The following SLC20A2 variants were observed in gnomAD, a reference collection of about 807,000 sequenced individuals.
SLC20A2 encodes the protein sodium-dependent phosphate transporter 2.
A neutral mutation model predicts 61.0 loss-of-function variants in SLC20A2; 30 were observed. The observed-to-expected ratio is 0.49, with a 90% confidence interval of 0.37 to 0.67. The LOEUF is 0.67. Among genes scored for constraint, SLC20A2 ranks in the 30% least tolerant of loss-of-function variants. The pLI, the probability that SLC20A2 is intolerant of heterozygous loss-of-function variation, is 0.00. For synonymous variants in SLC20A2, 351 were observed against 353.3 expected (o/e 0.99, Z 0.07); for missense variants, 626 against 866.4 (o/e 0.72, Z 3.48).
Position 42,417,908 on chromosome 8 carries a change from G to A in SLC20A2, c.1854C>T (p.Leu618=). ...ACCAGGCCACGAAGATGTTCCGAAA[G>A]AGGCGCCAGTCCACAGCCTTGCGGG... ...IRSRKAVDWR[L]FRNIFVAWFV... is the part of the protein sequence containing the mutation. The change falls in exon 11 of 11, where the codon CTC becomes CTT. Residue 618 remains leucine (L), a synonymous_variant. Transcript: ENST00000520262. 1 of 1,613,936 alleles carries A rather than the reference G, an allele frequency of 6.2e-7. No homozygotes were observed.
rs191950041 is a variant in SLC20A2, at chr8:42,453,902, C to T, written c.613+5994G>A. Among the ~76,000 whole-genome samples, 5 of 152,300 alleles carry T rather than the reference C, an allele frequency of 3.3e-5. No homozygotes were observed. The East Asian group carries it at 9.6e-4, about 29-fold the overall frequency. On this transcript the variant is annotated intron_variant, in intron 5 of 10. Transcript: ENST00000520262. The stretch of plus-strand genomic sequence containing the variant: ...TTAGGTTAATTATGACTGATGGTAA[C>T]AAAACAGCCTCTAACAGGCACGGTT...
chr8:42,456,467 G>A (rs1206144424), intron 5 of SLC20A2, among the ~76,000 whole-genome samples: 1 of 152,160 alleles, frequency 6.6e-6, no homozygotes, highest in East Asian at 1.9e-4. Context: ...AAGGTGCAGT[G>A]GCTCATGCCT....
At chr8:42,458,611 A>G (rs965893816) in intron 5 of SLC20A2, among the ~76,000 whole-genome samples, 6 of 151,208 alleles carry the variant, frequency 4.0e-5, no homozygotes, top group Non-Finnish European at 8.9e-5. Context: ...CAATAAAGAA[A>G]AAAAAAAAAA....
chr8:42,461,042 A>C (rs564368916), intron 4 of SLC20A2, among the ~76,000 whole-genome samples: 1 of 152,216 alleles, frequency 6.6e-6, no homozygotes, highest in Non-Finnish European at 1.5e-5. Flanking sequence ...CAGCCCATCA[A>C]GGAGCTGTTC....
chr8:42,463,783 T>A (rs1318081398), intron 3 of SLC20A2, among the ~76,000 whole-genome samples: 3 of 152,112 alleles, frequency 2.0e-5, no homozygotes. Flanking sequence ...GGTTTCCTTG[T>A]GGTTTGTGCC....
At chr8:42,484,782 T>TC in intron 1 of SLC20A2, 1 of 325,388 alleles carries the variant, frequency 3.1e-6, no homozygotes, top group African/African-American at 2.2e-5. Flanking sequence ...TAAAGGCTGC[T>TC]CCCATATCAT....
chr8:42,492,082 T>C (rs1809560699), intron 1 of SLC20A2, among the ~76,000 whole-genome samples: 1 of 152,076 alleles, frequency 6.6e-6, no homozygotes, highest in South Asian at 2.1e-4. Flanking sequence ...CTGGGCTGGG[T>C]GCGGTGGCTC....
At position 42,444,709 on chromosome 8, in the gene SLC20A2, C is replaced by A. The variant is rs746130950; in HGVS notation, c.667G>T (p.Ala223Ser). ...CACACAAAAAAAGCGAACAGGAGGG[C>A]GACACCAAAGGAAATGAGGGCTATG... ...WAIALISFGVALLFAFFVWLF... is the reference protein window; with the variant it reads ...WAIALISFGVSLLFAFFVWLF... The change falls in exon 6 of 11, where the codon GCC becomes TCC. Residue 223 changes from alanine (A) to serine (S), a missense_variant. By Grantham distance (99) the Ala-to-Ser change is moderately conservative. Around this residue, in one of 3 missense-constraint regions of SLC20A2, gnomAD observed 361 missense variants for 422.3 expected, o/e 0.85. Transcript: ENST00000520262. The A allele has an allele frequency of 1.2e-6, 2 of 1,613,852 alleles. No homozygotes were observed. Among genetic ancestry groups the A allele is most frequent in the Non-Finnish European group, 1.7e-6 (2 of 1,179,838 alleles).
At chr8:42,536,082 A>C (rs1285054235) in intron 1 of SLC20A2, among the ~76,000 whole-genome samples, 1 of 152,210 alleles carries the variant, frequency 6.6e-6, no homozygotes, top group Non-Finnish European at 1.5e-5. Flanking sequence ...TAACGTGCAA[A>C]TTGGATAAAA....
intron 1 of SLC20A2, among the ~76,000 whole-genome samples, chr8:42,511,359 T>C (rs1338880544): frequency 6.6e-6 from 1 of 152,194 alleles, no homozygotes; most frequent in Non-Finnish European, 1.5e-5. Context: ...CCAGGCGCAG[T>C]GGCTCACACC....
In SLC20A2 at chr8:42,439,634, A is replaced by C. The variant is rs369508231; in HGVS notation, c.750T>G (p.Gly250=). ...RKITGKLQKE[G]ALSRVSDESL... is the part of the protein sequence containing the mutation. ...TTTCGTCAGATACTCGTGATAAAGC[A>C]CCTTCTTTTTGTAATTTGCCTAAAG... The change falls in exon 7 of 11, where the codon GGT becomes GGG. Residue 250 remains glycine, a synonymous_variant. Transcript: ENST00000520262. 1.2e-6 allele frequency: 2 copies of C among 1,613,926 alleles called. No homozygotes were observed. Among genetic ancestry groups the C allele is most frequent in the African/African-American group, 2.7e-5 (2 of 74,922 alleles).
At chr8:42,525,078 T>C (rs34907242) in intron 1 of SLC20A2, among the ~76,000 whole-genome samples, 10,081 of 152,220 alleles carry the variant, frequency 0.066, 436 homozygotes, top group Middle Eastern at 0.16. Flanking sequence ...TAGCTGACTC[T>C]ATATTGAAAA....
intron 1 of SLC20A2, among the ~76,000 whole-genome samples, chr8:42,524,834 A>G: frequency 6.6e-6 from 1 of 152,058 alleles, no homozygotes; most frequent in African/African-American, 2.4e-5. Flanking sequence ...AAATATACCC[A>G]TGTAACAAGA....
At chr8:42,439,757 TTGG>T in intron 6 of SLC20A2, 104 bp from the exon 7 acceptor site, 1 of 914,128 alleles carries the variant, frequency 1.1e-6, no homozygotes, top group Admixed American at 2.6e-5. Context: ...AGCACTGATT[TTGG>T]AAACAAAAAA....
chr8:42,534,912 A>C (rs1812609480), intron 1 of SLC20A2: 1 of 152,218 alleles, frequency 6.6e-6, no homozygotes, highest in South Asian at 2.1e-4. Context: ...TCTGAGCCTA[A>C]GTAAATTACT....
At position 42,473,121 on chromosome 8, in the gene SLC20A2, G is replaced by A. The variant is rs554914628; in HGVS notation, c.-264-467C>T. Among the ~76,000 whole-genome samples, 465 of 152,296 alleles carry A rather than the reference G, an allele frequency of 3.1e-3. 3 individuals are homozygous for A. Among genetic ancestry groups the A allele is most frequent in the African/African-American group, 0.011 (442 of 41,560 alleles). On this transcript the variant is annotated intron_variant, in intron 1 of 10. Transcript: ENST00000520262. ...GCCAACGACCCACCTCCACATTTAC[G>A]CATAAGCAATGAGCACAGTATATTA...
intron 2 of SLC20A2, among the ~76,000 whole-genome samples, chr8:42,468,027 C>T (rs1401534477): frequency 6.6e-6 from 1 of 151,818 alleles, no homozygotes; most frequent in African/African-American, 2.4e-5. Flanking sequence ...CTCAGCCTCC[C>T]GAGTAGCTGG....
In SLC20A2 at chr8:42,472,568, A is replaced by G; in HGVS notation, c.-178T>C. 3 of 600,578 alleles carry G rather than the reference A, an allele frequency of 5.0e-6. No homozygotes were observed. In the South Asian group the frequency reaches 6.2e-5, roughly 12 times the overall value. 37.2% of individuals were successfully genotyped at this position (600,578 alleles called of 1,614,324 possible). The stretch of plus-strand genomic sequence containing the variant: ...AGCTGCTGGTTTGCAAACTACTGTC[A>G]GGACAGTTCATTTGGTTGTGTTCAG... On this transcript the variant is annotated 5_prime_UTR_variant, in exon 2 of 11. Coordinates refer to ENST00000520262, the MANE Select transcript of SLC20A2 (RefSeq NM_001257180.2). The surrounding 1 kb of genome is among the most constrained non-coding windows in gnomAD (Gnocchi z 4.1).
intron 1 of SLC20A2, among the ~76,000 whole-genome samples, chr8:42,508,170 A>G (rs1271415503): frequency 2.6e-5 from 4 of 151,784 alleles, no homozygotes. Context: ...TCTCAAAAAA[A>G]GAAAGAAAGA....
Sources: gnomAD v4.1 joint callset for allele counts (sites outside exome capture counted in the v4.1 genomes callset) on GRCh38, gnomAD v4.1.1 for gene constraint, gnomAD v4.1.1 regional missense constraint, Gnocchi (gnomAD v3.1) non-coding constraint, MANE v1.5 for transcripts, NCBI Gene and HGNC (gene_info 2026-07-23, HGNC 2026-07-21) for gene names.